The following PCDH7 variants were observed in gnomAD, a reference collection of about 807,000 sequenced individuals.
The protein encoded by PCDH7 is protocadherin 7.
Under a neutral mutation model 58.9 loss-of-function variants are expected in PCDH7, and 17 were observed. That is an observed-to-expected ratio of 0.29 (90% CI 0.20 to 0.43). The LOEUF (loss-of-function observed/expected upper bound fraction) is 0.43, where lower values mean the gene tolerates loss of function less well. Ranked by LOEUF, PCDH7 falls within the 20% of genes least tolerant of loss-of-function variation. The pLI is 1.00. For missense variants in PCDH7, 1,274 were observed against 1,441.0 expected (o/e 0.88, Z 1.88); for synonymous variants, 664 against 616.4 (o/e 1.08, Z -1.14).
intron 3 of PCDH7, among the ~76,000 whole-genome samples, chr4:31,103,886 A>G (rs141356322): frequency 1.3e-5 from 2 of 152,194 alleles, no homozygotes; most frequent in East Asian, 3.9e-4. Flanking sequence ...TTCTTTTCAA[A>G]CCTTATTTCC....
Position 30,723,349 on chromosome 4 carries a change from G to A in PCDH7, c.1927G>A (p.Val643Ile). The A allele has an allele frequency of 6.2e-7, 1 of 1,614,232 alleles. No homozygotes were observed. The highest frequency in any genetic ancestry group is 8.5e-7 in the Non-Finnish European group (1 of 1,180,038). The change falls in exon 1 of 2, where the codon GTC (valine) becomes ATC (isoleucine). Residue 643 changes from valine to isoleucine, a missense_variant. Transcript: ENST00000361762. This position sits in a 1 kb window ranked among gnomAD's most constrained non-coding sequence, Gnocchi z 4.6. ...CAATGACCCTAAGTTTATGCAGGACGTCTTCACCTTTTATGTGAAAGAAAA... is the reference window on the plus strand; with the variant it reads ...CAATGACCCTAAGTTTATGCAGGACATCTTCACCTTTTATGTGAAAGAAAA...
intron 3 of PCDH7, among the ~76,000 whole-genome samples, chr4:31,074,069 T>G (rs1758775179): frequency 6.6e-6 from 1 of 152,004 alleles, no homozygotes; most frequent in Non-Finnish European, 1.5e-5. Flanking sequence ...TTCACATGGT[T>G]GTTTTGCCTT....
chr4:31,036,101 G>T (rs747433264), intron 3 of PCDH7, among the ~76,000 whole-genome samples: 1 of 152,122 alleles, frequency 6.6e-6, no homozygotes, highest in East Asian at 1.9e-4. Flanking sequence ...AAATGTGAAG[G>T]GTTTATTGTT....
chr4:30,968,319 C>CACACAA (rs369540529), intron 3 of PCDH7, among the ~76,000 whole-genome samples: 4 of 82,588 alleles, frequency 4.8e-5, no homozygotes, highest in Middle Eastern at 6.8e-3. Flanking sequence ...TATATATACA[C>CACACAA]TATATATATA....
At chr4:30,869,356 A>G (rs1386887416) in intron 1 of PCDH7, among the ~76,000 whole-genome samples, 3 of 152,068 alleles carry the variant, frequency 2.0e-5, no homozygotes, top group Non-Finnish European at 4.4e-5. Flanking sequence ...ACATAGGTAT[A>G]CACGTGCCAT....
intron 1 of PCDH7, among the ~76,000 whole-genome samples, chr4:30,740,495 T>C (rs540964680): frequency 6.6e-6 from 1 of 152,212 alleles, no homozygotes; most frequent in Non-Finnish European, 1.5e-5. Flanking sequence ...TCACTCATTA[T>C]GTATATAGTT....
chr4:30,928,804 A>G (rs1348499640), intron 2 of PCDH7, among the ~76,000 whole-genome samples: 3 of 152,186 alleles, frequency 2.0e-5, no homozygotes, highest in African/African-American at 7.2e-5. Context: ...AACAATTATT[A>G]TACTGGCCTG....
downstream of PCDH7, chr4:31,146,558 G>A (rs1447891506): frequency 1.3e-5 from 2 of 151,982 alleles, no homozygotes; most frequent in Admixed American, 1.3e-4. Context: ...TGTTTGTAAT[G>A]TTAATCATTG....
At chr4:31,030,468 T>A (rs771728677) in intron 3 of PCDH7, among the ~76,000 whole-genome samples, 2 of 152,174 alleles carry the variant, frequency 1.3e-5, no homozygotes, top group African/African-American at 2.4e-5. Flanking sequence ...AAAAAGAAGT[T>A]GAAGTTTGTT....
chr4:31,070,509 G>T (rs1332351298), intron 3 of PCDH7, among the ~76,000 whole-genome samples: 1 of 152,016 alleles, frequency 6.6e-6, no homozygotes, highest in Non-Finnish European at 1.5e-5. Flanking sequence ...AAGGACATTG[G>T]CTAATAAAAC....
chr4:30,761,512 G>T (rs1022706189), intron 1 of PCDH7, among the ~76,000 whole-genome samples: 1 of 151,842 alleles, frequency 6.6e-6, no homozygotes, highest in Non-Finnish European at 1.5e-5. Context: ...TTATTAATGA[G>T]ATATTTTATA....
At chr4:30,952,168 A>G (rs1747427140) in intron 3 of PCDH7, among the ~76,000 whole-genome samples, 1 of 152,168 alleles carries the variant, frequency 6.6e-6, no homozygotes, top group Admixed American at 6.5e-5. Flanking sequence ...GTAACTACAA[A>G]CTGAATCAAT....
chr4:30,781,523 T>G (rs1161326113), intron 1 of PCDH7, among the ~76,000 whole-genome samples: 1 of 151,592 alleles, frequency 6.6e-6, no homozygotes, highest in East Asian at 2.0e-4. Context: ...TCGTATAATA[T>G]TTTCTATCTC....
chr4:31,027,605 T>C (rs972503362), intron 3 of PCDH7, among the ~76,000 whole-genome samples: 3 of 152,044 alleles, frequency 2.0e-5, no homozygotes, highest in Admixed American at 6.6e-5. Flanking sequence ...GTGTTTTTAG[T>C]AGATATGGGG....
chr4:30,740,270 G>C (rs1015013265), intron 1 of PCDH7, among the ~76,000 whole-genome samples: 1 of 152,138 alleles, frequency 6.6e-6, no homozygotes, highest in African/African-American at 2.4e-5. Flanking sequence ...TCCCTTCAGT[G>C]ATATTTCAAC....
chr4:30,978,539 C>T (rs1052655412), intron 3 of PCDH7, among the ~76,000 whole-genome samples: 1 of 152,016 alleles, frequency 6.6e-6, no homozygotes, highest in Non-Finnish European at 1.5e-5. Context: ...TTCAAACGTG[C>T]ATATGTTTAA....
intron 1 of PCDH7, among the ~76,000 whole-genome samples, chr4:30,824,143 CTT>C (rs1491453576): frequency 7.9e-6 from 1 of 127,010 alleles, no homozygotes; most frequent in East Asian, 2.3e-4. Context: ...TTCTTTCTTT[CTT>C]TCTTTCTTTC....
chr4:30,943,938 T>C (rs904196564), intron 2 of PCDH7, among the ~76,000 whole-genome samples: 3 of 152,066 alleles, frequency 2.0e-5, no homozygotes, highest in African/African-American at 7.2e-5. Context: ...GCATATGTCA[T>C]ATTAGGGTCT....
At chr4:30,988,474 C>T (rs2109120069) in intron 3 of PCDH7, among the ~76,000 whole-genome samples, 1 of 152,290 alleles carries the variant, frequency 6.6e-6, no homozygotes, top group East Asian at 1.9e-4. Flanking sequence ...TATGCACTGT[C>T]ATATTCCATT....
Sources: gnomAD v4.1 joint callset for allele counts (sites outside exome capture counted in the v4.1 genomes callset) on GRCh38, gnomAD v4.1.1 for gene constraint, Gnocchi (gnomAD v3.1) non-coding constraint, MANE v1.5 for transcripts, NCBI Gene and HGNC (gene_info 2026-07-23, HGNC 2026-07-21) for gene names.